FGGY: variants seen among roughly 807,000 people sequenced by gnomAD.
FGGY encodes the protein FGGY carbohydrate kinase domain-containing protein.
Under a neutral mutation model 71.3 loss-of-function variants are expected in FGGY, and 72 were observed. The observed-to-expected ratio is 1.01, with a 90% CI of 0.84 to 1.23. The LOEUF (loss-of-function observed/expected upper bound fraction) is 1.23, where lower values mean the gene tolerates loss of function less well. FGGY is among the 50% of genes most tolerant of loss of function. The pLI, the probability that FGGY is intolerant of heterozygous loss-of-function variation, is 0.00. For missense variants in FGGY, 668 were observed against 682.3 expected, an observed-to-expected ratio of 0.98 and a Z score of 0.23; for synonymous variants, 251 against 250.3, an observed-to-expected ratio of 1.00 and a Z score of -0.02.
Position 59,359,007 on chromosome 1 carries a change from A to G in FGGY, c.465+12609A>G, listed in dbSNP as rs190448595. ...AAACCCAGGTTTCTGACTCTAAGAA[A>G]TGAATTTGAAAAATTATTGTAAAGG... On this transcript the variant is annotated intron_variant, in intron 4 of 15. Coordinates refer to ENST00000303721, the MANE Select transcript of FGGY (RefSeq NM_018291.5). Among the ~76,000 whole-genome samples, 711 of 152,354 alleles carry G rather than the reference A, an allele frequency of 4.7e-3. 6 individuals carry two copies. Among genetic ancestry groups the G allele is most frequent in the Non-Finnish European group, 8.3e-3 (565 of 68,024 alleles).
At chr1:59,403,675 G>A (rs995149133) in intron 5 of FGGY, among the ~76,000 whole-genome samples, 1 of 152,178 alleles carries the variant, frequency 6.6e-6, no homozygotes, top group Non-Finnish European at 1.5e-5. Flanking sequence ...CGTTGGGCAC[G>A]TGAGTCTAGC....
intron 6 of FGGY, among the ~76,000 whole-genome samples, chr1:59,489,918 T>G (rs2093773861): frequency 6.6e-6 from 1 of 152,222 alleles, no homozygotes; most frequent in South Asian, 2.1e-4. Flanking sequence ...CTAACTGGGA[T>G]AAGATGATAT....
At chr1:59,481,842 C>A (rs1008511520) in intron 6 of FGGY, among the ~76,000 whole-genome samples, 1 of 152,170 alleles carries the variant, frequency 6.6e-6, no homozygotes, top group South Asian at 2.1e-4. Flanking sequence ...CTTTATCTTA[C>A]CCCAGTGTAT....
chr1:59,495,780 A>G (rs927096580), intron 6 of FGGY, among the ~76,000 whole-genome samples: 1 of 152,060 alleles, frequency 6.6e-6, no homozygotes, highest in Non-Finnish European at 1.5e-5. Context: ...TTTGTTGAAG[A>G]TCAGATTGTT....
intron 14 of FGGY, among the ~76,000 whole-genome samples, chr1:59,712,303 C>G (rs1202806740): frequency 6.6e-6 from 1 of 152,186 alleles, no homozygotes. Context: ...ACGGTACGAC[C>G]TCTCTCCCAG....
intron 8 of FGGY, among the ~76,000 whole-genome samples, chr1:59,577,709 G>A (rs1571530078): frequency 6.6e-6 from 1 of 152,088 alleles, no homozygotes; most frequent in South Asian, 2.1e-4. Context: ...AATCATATAT[G>A]TACTTCCTAT....
intron 6 of FGGY, among the ~76,000 whole-genome samples, chr1:59,472,337 A>G (rs1968545): frequency 0.41 from 62,175 of 152,082 alleles, 12,893 homozygotes; most frequent in Middle Eastern, 0.5. Context: ...CAGGGCTCGG[A>G]ACCTGCAGCC....
chr1:59,662,847 A>C (rs1398814114), intron 12 of FGGY, among the ~76,000 whole-genome samples: 1 of 152,192 alleles, frequency 6.6e-6, no homozygotes, highest in Non-Finnish European at 1.5e-5. Context: ...CTAACAATGC[A>C]TTTCTCACAA....
chr1:59,470,917 T>C (rs2092908850), intron 6 of FGGY, among the ~76,000 whole-genome samples: 2 of 152,244 alleles, frequency 1.3e-5, no homozygotes, highest in South Asian at 4.1e-4. Context: ...TGCTGCTTCA[T>C]CTTTGTATCA....
intron 8 of FGGY, among the ~76,000 whole-genome samples, chr1:59,578,439 G>T (rs2153746020): frequency 6.6e-6 from 1 of 152,128 alleles, no homozygotes; most frequent in Middle Eastern, 3.4e-3. Flanking sequence ...ACACCCAGCT[G>T]TCCAGCAGGA....
chr1:59,407,880 C>T, intron 5 of FGGY, among the ~76,000 whole-genome samples: 1 of 152,170 alleles, frequency 6.6e-6, no homozygotes, highest in South Asian at 2.1e-4. Flanking sequence ...TATTTATTGC[C>T]TACTACATGT....
chr1:59,379,790 A>T (rs1026239746), intron 5 of FGGY, among the ~76,000 whole-genome samples: 1 of 151,974 alleles, frequency 6.6e-6, no homozygotes, highest in Non-Finnish European at 1.5e-5. Context: ...TTCTTATTCA[A>T]TATGCTTTTT....
At chr1:59,535,590 C>G (rs1459036513) in intron 7 of FGGY, among the ~76,000 whole-genome samples, 2 of 151,900 alleles carry the variant, frequency 1.3e-5, no homozygotes, top group Non-Finnish European at 2.9e-5. Flanking sequence ...AAGCAAAGCT[C>G]TCCTCAGCAA....
At chr1:59,411,813 A>T (rs927694119) in intron 5 of FGGY, among the ~76,000 whole-genome samples, 10 of 151,936 alleles carry the variant, frequency 6.6e-5, no homozygotes, top group Non-Finnish European at 1.3e-4. Context: ...TATCTTTCTG[A>T]CATGTCTCCA....
intron 5 of FGGY, among the ~76,000 whole-genome samples, chr1:59,421,564 C>G (rs745794373): frequency 1.7e-4 from 25 of 151,056 alleles, no homozygotes; most frequent in Non-Finnish European, 3.2e-4. Flanking sequence ...CCCTCCCCTC[C>G]TCCTTCCCCT....
intron 1 of FGGY, among the ~76,000 whole-genome samples, chr1:59,312,729 G>A (rs1464943700): frequency 6.6e-6 from 1 of 152,152 alleles, no homozygotes; most frequent in Non-Finnish European, 1.5e-5. Context: ...TGGGTTTTAT[G>A]TTTCCCTTGT....
chr1:59,438,752 G>T (rs2069073749), intron 5 of FGGY, among the ~76,000 whole-genome samples: 1 of 152,078 alleles, frequency 6.6e-6, no homozygotes, highest in African/African-American at 2.4e-5. Context: ...CAATTGAGGG[G>T]GAAAATATTT....
At chr1:59,700,482 A>G (rs2097700746) in intron 14 of FGGY, among the ~76,000 whole-genome samples, 1 of 152,216 alleles carries the variant, frequency 6.6e-6, no homozygotes, top group Non-Finnish European at 1.5e-5. Flanking sequence ...AAAGTAGTGC[A>G]TGAGCTTATC....
intron 14 of FGGY, among the ~76,000 whole-genome samples, chr1:59,713,432 C>A (rs754799509): frequency 6.6e-6 from 1 of 152,090 alleles, no homozygotes; most frequent in African/African-American, 2.4e-5. Context: ...GTGACACACT[C>A]GTGCAGCTGG....
Sources: allele counts gnomAD v4.1 joint callset (sites outside exome capture counted in the v4.1 genomes callset), GRCh38; gene constraint gnomAD v4.1.1; transcripts MANE v1.5; gene names NCBI Gene and HGNC (gene_info 2026-07-23, HGNC 2026-07-21).